Variants in EXOC6 observed in about 807,000 individuals in gnomAD.
The protein encoded by EXOC6 is exocyst complex component 6.
EXOC6 carries 60 observed loss-of-function variants against 112.5 expected under a neutral mutation model. That is an observed-to-expected ratio of 0.53 (90% CI 0.43 to 0.66). The LOEUF (loss-of-function observed/expected upper bound fraction) is 0.66, where lower values mean the gene tolerates loss of function less well. Ranked by LOEUF, EXOC6 falls within the 30% of genes least tolerant of loss-of-function variation. The probability of loss-of-function intolerance (pLI) is 0.00; values close to 1 mark genes in which losing one functional copy is unlikely to be tolerated. For synonymous variants in EXOC6, 295 were observed against 308.0 expected (o/e 0.96, Z 0.44); for missense variants, 855 against 957.1 (o/e 0.89, Z 1.41).
intron 20 of EXOC6, among the ~76,000 whole-genome samples, chr10:93,038,947 A>C (rs1845642579): frequency 6.6e-6 from 1 of 152,146 alleles, no homozygotes; most frequent in African/African-American, 2.4e-5. Flanking sequence ...GGTGCAGAGA[A>C]CTCAACGCTG....
chr10:92,921,020 T>C (rs1851406936), intron 8 of EXOC6, among the ~76,000 whole-genome samples: 1 of 152,204 alleles, frequency 6.6e-6, no homozygotes, highest in Admixed American at 6.5e-5. Flanking sequence ...TAGTTCAGTC[T>C]GTTTTTTTAA....
chr10:92,892,181 T>TA (rs1179774348), intron 1 of EXOC6, among the ~76,000 whole-genome samples: 1 of 152,094 alleles, frequency 6.6e-6, no homozygotes, highest in East Asian at 1.9e-4. Flanking sequence ...GCAAAGTTGT[T>TA]ACACTCATAG....
At chr10:92,941,910 C>T (rs1208529122) in intron 13 of EXOC6, among the ~76,000 whole-genome samples, 1 of 152,128 alleles carries the variant, frequency 6.6e-6, no homozygotes, top group African/African-American at 2.4e-5. Context: ...TCTCTCCATC[C>T]TTCTCCCTTT....
At chr10:92,995,015 G>T (rs1470210067) in intron 18 of EXOC6, among the ~76,000 whole-genome samples, 2 of 151,664 alleles carry the variant, frequency 1.3e-5, no homozygotes, top group Non-Finnish European at 2.9e-5. Context: ...TAAAGAATCT[G>T]AACTTTTGAT....
chr10:92,859,820 CATGTGTGTGTGTGT>C (rs1289960592), intron 1 of EXOC6, among the ~76,000 whole-genome samples: 3,192 of 103,464 alleles, frequency 0.031, 50 homozygotes, highest in African/African-American at 0.062. Context: ...CGTTTGTGTG[CATGTGTGTGTGTGT>C]GTGTGTGTGT....
chr10:93,019,614 T>A (rs1844690219), intron 20 of EXOC6, among the ~76,000 whole-genome samples: 1 of 152,184 alleles, frequency 6.6e-6, no homozygotes. Flanking sequence ...ATGACCAGAC[T>A]GCTTTGAGGG....
chr10:93,024,655 T>TCA (rs1844941240), intron 20 of EXOC6, among the ~76,000 whole-genome samples: 1 of 152,088 alleles, frequency 6.6e-6, no homozygotes, highest in Non-Finnish European at 1.5e-5. Context: ...TGACCTCAGG[T>TCA]GATCCACCCA....
chr10:92,976,900 A>C (rs941093728), intron 18 of EXOC6, among the ~76,000 whole-genome samples: 1 of 152,218 alleles, frequency 6.6e-6, no homozygotes, highest in Non-Finnish European at 1.5e-5. Context: ...TAGATTCTTC[A>C]GATGAGGACT....
chr10:93,030,738 A>G (rs535917873), intron 20 of EXOC6, among the ~76,000 whole-genome samples: 92 of 152,284 alleles, frequency 6.0e-4, no homozygotes, highest in Non-Finnish European at 5.6e-4. Context: ...TTACTAATAT[A>G]CTTCATAAAT....
At chr10:92,948,865 T>A (rs543768786) in intron 14 of EXOC6, among the ~76,000 whole-genome samples, 1 of 152,204 alleles carries the variant, frequency 6.6e-6, no homozygotes, top group Non-Finnish European at 1.5e-5. Context: ...AAATAAGTGA[T>A]ATGTGAAGGC....
At chr10:92,942,585 CTA>C (rs1218739455) in intron 13 of EXOC6, among the ~76,000 whole-genome samples, 1 of 152,002 alleles carries the variant, frequency 6.6e-6, no homozygotes, top group Admixed American at 6.6e-5. Flanking sequence ...TTTTTATTAA[CTA>C]TTTTAAAAAT....
At chr10:92,838,581 T>C (rs1410427525) in intron 1 of EXOC6, among the ~76,000 whole-genome samples, 1 of 152,190 alleles carries the variant, frequency 6.6e-6, no homozygotes, top group Non-Finnish European at 1.5e-5. Flanking sequence ...TTATTTGCAT[T>C]GCCAATGAAA....
At position 92,934,272 on chromosome 10, in the gene EXOC6, T is replaced by G. The variant is rs766034116; in HGVS notation, c.1020-38T>G. The G allele has an allele frequency of 1.3e-5, 21 of 1,556,242 alleles. No homozygotes were observed. In the East Asian group the frequency reaches 4.1e-4, roughly 30 times the overall value. On this transcript the variant is annotated intron_variant, in intron 10 of 21. Coordinates refer to ENST00000260762, the MANE Select transcript of EXOC6 (RefSeq NM_019053.6). Reference sequence around the variant, plus strand: ...AAATACTTACTTTCTATTAGGGTTTTTTTTTTTAACACATGCTTTGGTAAT... The same window carrying G: ...AAATACTTACTTTCTATTAGGGTTTGTTTTTTTAACACATGCTTTGGTAAT...
intron 18 of EXOC6, among the ~76,000 whole-genome samples, chr10:92,975,821 G>A (rs1295315149): frequency 2.5e-4 from 31 of 126,274 alleles, no homozygotes; most frequent in African/African-American, 8.3e-4. Flanking sequence ...CCGGCCAGCC[G>A]CCCCGTCCGG....
chr10:93,019,356 A>T (rs796902099), intron 20 of EXOC6, among the ~76,000 whole-genome samples: 33 of 152,232 alleles, frequency 2.2e-4, no homozygotes, highest in African/African-American at 7.9e-4. Flanking sequence ...AGCCAAGAAA[A>T]TTTTTTCTTC....
intron 1 of EXOC6, among the ~76,000 whole-genome samples, chr10:92,860,163 TATAAC>T (rs539539563): frequency 2.6e-5 from 4 of 152,142 alleles, no homozygotes; most frequent in Non-Finnish European, 4.4e-5. Flanking sequence ...ATAAAATTCA[TATAAC>T]ATAAGATTTA....
At chr10:93,025,235 T>TG (rs1398375437) in intron 20 of EXOC6, among the ~76,000 whole-genome samples, 2 of 152,224 alleles carry the variant, frequency 1.3e-5, no homozygotes, top group Admixed American at 1.3e-4. Context: ...ACAAATTGTG[T>TG]GATGGTAATT....
chr10:92,916,824 G>A (rs114974441), intron 7 of EXOC6, among the ~76,000 whole-genome samples: 3,340 of 152,228 alleles, frequency 0.022, 57 homozygotes, highest in African/African-American at 0.041. Context: ...GACAAAGTCA[G>A]TCAGATTGTA....
intron 18 of EXOC6, among the ~76,000 whole-genome samples, chr10:92,993,499 G>T (rs1843353463): frequency 6.6e-6 from 1 of 151,928 alleles, no homozygotes; most frequent in Non-Finnish European, 1.5e-5. Context: ...TAAGAAAATG[G>T]TAAGACACAA....
Sources: allele counts gnomAD v4.1 joint callset (sites outside exome capture counted in the v4.1 genomes callset), GRCh38; gene constraint gnomAD v4.1.1; transcripts MANE v1.5; gene names NCBI Gene and HGNC (gene_info 2026-07-23, HGNC 2026-07-21).